SGPP2: variants seen among roughly 807,000 people sequenced by gnomAD.
The protein encoded by SGPP2 is sphingosine-1-phosphate phosphatase 2.
In SGPP2, 30 loss-of-function variants were observed where a neutral mutation model predicts 33.9. The ratio of observed to expected loss-of-function variants is 0.89; its 90% CI spans 0.66 to 1.20. The LOEUF is 1.20. Among genes scored for constraint, SGPP2 ranks in the 50% most tolerant of loss-of-function variants. The pLI is 0.00. For missense variants in SGPP2, 458 were observed against 532.1 expected (o/e 0.86, Z 1.37); for synonymous variants, 233 against 225.0 (o/e 1.04, Z -0.32).
intron 2 of SGPP2, among the ~76,000 whole-genome samples, chr2:222,488,777 T>C (rs1698152523): frequency 1.3e-5 from 2 of 152,166 alleles, no homozygotes; most frequent in South Asian, 2.1e-4. Flanking sequence ...TGTACAAACA[T>C]AGACACACAT....
In SGPP2 at chr2:222,543,008, GCTTTTCCTA is replaced by G; in HGVS notation, c.649-15336_649-15328del. 2.0e-5 allele frequency among the ~76,000 whole-genome samples: 3 copies of G among 152,174 alleles called. No individual in the cohort carries two copies. In the South Asian group the frequency reaches 6.2e-4, roughly 32 times the overall value. Reference sequence around the variant, plus strand: ...GTCTCGCTATGTCACCTAAGCTGGAGCTTTTCCTACTCTGTAGCTTGCTTTTTCACCCTA... The same window carrying G: ...GTCTCGCTATGTCACCTAAGCTGGAGCTCTGTAGCTTGCTTTTTCACCCTA... On this transcript the variant is annotated intron_variant, in intron 4 of 4. Transcript: ENST00000321276.
chr2:222,463,028 C>A (rs1031413627), intron 1 of SGPP2, among the ~76,000 whole-genome samples: 11 of 152,198 alleles, frequency 7.2e-5, no homozygotes, highest in African/African-American at 2.7e-4. Context: ...TCAGCGACAG[C>A]CTCCCATTGG....
At chr2:222,435,592 C>T (rs1034921951) in intron 1 of SGPP2, among the ~76,000 whole-genome samples, 1 of 152,200 alleles carries the variant, frequency 6.6e-6, no homozygotes, top group Non-Finnish European at 1.5e-5. Flanking sequence ...AACTATCCTT[C>T]ATACAACAGG....
Position 222,558,469 on chromosome 2 carries a change from A to G in SGPP2, c.771A>G (p.Pro257=). 1.2e-6 allele frequency: 2 copies of G among 1,614,050 alleles called. No individual in the cohort carries two copies. The highest frequency in any genetic ancestry group is 1.7e-6 in the Non-Finnish European group (2 of 1,180,018). ...PLFPVCVIVV[P]FFLCYNYPVS... ...TCCCCGTGTGTGTCATAGTTGTGCCATTCTTCCTGTGTTACAATTACCCTG... is the reference window on the plus strand; with the variant it reads ...TCCCCGTGTGTGTCATAGTTGTGCCGTTCTTCCTGTGTTACAATTACCCTG... Residue 257 remains proline (P), a synonymous_variant, in exon 5 of 5, where the codon CCA becomes CCG. Coordinates refer to ENST00000321276, the MANE Select transcript of SGPP2 (RefSeq NM_152386.4).
chr2:222,536,023 C>T (rs1286662916), intron 4 of SGPP2, among the ~76,000 whole-genome samples: 1 of 152,234 alleles, frequency 6.6e-6, no homozygotes, highest in African/African-American at 2.4e-5. Context: ...AGATCTGACA[C>T]TACTGCGTGT....
At chr2:222,442,531 C>T (rs890641510) in intron 1 of SGPP2, among the ~76,000 whole-genome samples, 2 of 152,012 alleles carry the variant, frequency 1.3e-5, no homozygotes, top group African/African-American at 4.8e-5. Context: ...AGAAAAACAT[C>T]GAACAATTTA....
rs138833729 is a variant in SGPP2, at chr2:222,431,108, C to T, written c.219+6287C>T. Among the ~76,000 whole-genome samples, 6 of 152,176 alleles carry T rather than the reference C, an allele frequency of 3.9e-5. No individual in the cohort carries two copies. The East Asian group carries it at 1.2e-3, about 29-fold the overall frequency. On this transcript the variant is annotated intron_variant, in intron 1 of 4. Coordinates refer to ENST00000321276, the MANE Select transcript of SGPP2 (RefSeq NM_152386.4). Reference sequence around the variant, plus strand: ...AGATGTTAATCATAGGGGTACCTGCCTACAGAGTATAAGGAAGGCTGGGAG... The same window carrying T: ...AGATGTTAATCATAGGGGTACCTGCTTACAGAGTATAAGGAAGGCTGGGAG...
At position 222,524,924 on chromosome 2, in the gene SGPP2, T is replaced by A; in HGVS notation, c.559-20T>A. On this transcript the variant is annotated intron_variant, in intron 3 of 4. Coordinates refer to ENST00000321276, the MANE Select transcript of SGPP2 (RefSeq NM_152386.4). ...TCTGAGTGTGATCTAATTCCCTTGTTTTTTCTCCTTCCCCCACAGTATCCA... is the reference window on the plus strand; with the variant it reads ...TCTGAGTGTGATCTAATTCCCTTGTATTTTCTCCTTCCCCCACAGTATCCA... 1 of 1,602,458 alleles carries A rather than the reference T, an allele frequency of 6.2e-7. No individual in the cohort carries two copies. The highest frequency in any genetic ancestry group is 8.5e-7 in the Non-Finnish European group (1 of 1,170,234).
chr2:222,545,990 A>G (rs1209136572), intron 4 of SGPP2, among the ~76,000 whole-genome samples: 2 of 152,256 alleles, frequency 1.3e-5, no homozygotes, highest in Non-Finnish European at 2.9e-5. Context: ...GCTGGCTTGC[A>G]GCTATGCTCT....
rs1689455315 is a variant in SGPP2, at chr2:222,558,393, C to T, written c.695C>T (p.Thr232Ile). 2 of 1,614,062 alleles carry T rather than the reference C, an allele frequency of 1.2e-6. No homozygotes were observed. The highest frequency in any genetic ancestry group is 2.7e-5 in the African/African-American group (2 of 74,918). ...ATCACCGCACTCCTCATCGTCCTCA[C>T]CTACCCTGCCTGGACCTTCATCGAC... ...VLITALLIVL[T>I]YPAWTFIDCL... is the part of the protein sequence containing the mutation. The change falls in exon 5 of 5, where the codon ACC becomes ATC. Residue 232 changes from threonine (T) to isoleucine (I), a missense_variant. Thr to Ile is a moderately conservative substitution (Grantham distance 89). Coordinates refer to ENST00000321276, the MANE Select transcript of SGPP2 (RefSeq NM_152386.4).
intron 2 of SGPP2, among the ~76,000 whole-genome samples, chr2:222,508,845 G>C (rs145634648): frequency 6.6e-6 from 1 of 152,160 alleles, no homozygotes; most frequent in African/African-American, 2.4e-5. Context: ...TGTTTTGGTG[G>C]TTTAGACATG....
At chr2:222,521,217 G>A (rs1698680799) in intron 2 of SGPP2, among the ~76,000 whole-genome samples, 1 of 152,232 alleles carries the variant, frequency 6.6e-6, no homozygotes, top group South Asian at 2.1e-4. Context: ...AGTCACTTTT[G>A]TGGTTAAAAT....
At chr2:222,505,705 G>C (rs1698433326) in intron 2 of SGPP2, among the ~76,000 whole-genome samples, 1 of 152,070 alleles carries the variant, frequency 6.6e-6, no homozygotes, top group East Asian at 1.9e-4. Flanking sequence ...AGGCTGAGGA[G>C]GGTAGATTGC....
chr2:222,474,505 A>C, intron 1 of SGPP2, 63 bp from the exon 2 acceptor site: 17 of 1,488,022 alleles, frequency 1.1e-5, no homozygotes, highest in East Asian at 2.3e-5. Context: ...AGTTTTAGAC[A>C]GAGATGTTTA....
chr2:222,481,059 G>A (rs1050389419), intron 2 of SGPP2, among the ~76,000 whole-genome samples: 5 of 152,084 alleles, frequency 3.3e-5, no homozygotes, highest in African/African-American at 1.2e-4. Context: ...ACACAGACAC[G>A]TGAGGGGGAA....
chr2:222,468,456 T>C (rs1383544483), intron 1 of SGPP2, among the ~76,000 whole-genome samples: 1 of 152,184 alleles, frequency 6.6e-6, no homozygotes, highest in Non-Finnish European at 1.5e-5. Flanking sequence ...TTCTTTGCAG[T>C]TGAGGCTGTT....
At chr2:222,527,309 A>T (rs187183416) in intron 4 of SGPP2, among the ~76,000 whole-genome samples, 3 of 152,276 alleles carry the variant, frequency 2.0e-5, no homozygotes, top group Admixed American at 6.5e-5. Flanking sequence ...GACTTGCTTG[A>T]TTGTGATATT....
intron 2 of SGPP2, among the ~76,000 whole-genome samples, chr2:222,478,270 TG>T (rs1354533405): frequency 2.9e-5 from 1 of 34,204 alleles, no homozygotes; most frequent in Non-Finnish European, 1.2e-4. Flanking sequence ...CATGCATTTG[TG>T]TGTGTGTGTG....
At chr2:222,546,471 A>G (rs577691299) in intron 4 of SGPP2, among the ~76,000 whole-genome samples, 1 of 152,246 alleles carries the variant, frequency 6.6e-6, no homozygotes, top group Admixed American at 6.5e-5. Flanking sequence ...GCCATATTTG[A>G]CTTCACTGGA....
Sources: gnomAD v4.1 joint callset for allele counts (sites outside exome capture counted in the v4.1 genomes callset) on GRCh38, gnomAD v4.1.1 for gene constraint, MANE v1.5 for transcripts, NCBI Gene and HGNC (gene_info 2026-07-23, HGNC 2026-07-21) for gene names.